PNMA8A: variants seen among roughly 807,000 people sequenced by gnomAD.
PNMA8A encodes PNMA family member 8A, also known as paraneoplastic antigen-like protein 8A.
Under a neutral mutation model 26.6 loss-of-function variants are expected in PNMA8A, and 17 were observed. That is an observed-to-expected ratio of 0.64 (90% CI 0.44 to 0.96). The LOEUF (loss-of-function observed/expected upper bound fraction) is 0.96, where lower values mean the gene tolerates loss of function less well. Ranked by LOEUF, PNMA8A falls within the 40% of genes least tolerant of loss-of-function variation. The probability of loss-of-function intolerance (pLI) is 0.00; values close to 1 mark genes in which losing one functional copy is unlikely to be tolerated. For synonymous variants in PNMA8A, 224 were observed against 182.0 expected (o/e 1.23, Z -1.86); for missense variants, 532 against 488.4 (o/e 1.09, Z -0.84).
At position 46,470,876 on chromosome 19, in the gene PNMA8A, G is replaced by A. The variant is rs1487553644; in HGVS notation, c.160C>T (p.Arg54Cys). The A allele has an allele frequency of 2.3e-5, 18 of 780,904 alleles. No homozygotes were observed. Among genetic ancestry groups the A allele is most frequent in the Non-Finnish European group, 3.8e-5 (16 of 418,168 alleles). 48.4% of individuals were successfully genotyped at this position (780,904 alleles called of 1,614,324 possible). Reference protein sequence around the residue: ...NGVLSPLGPYRVLNKIFVREE... With the variant: ...NGVLSPLGPYCVLNKIFVREE... ...CTCACAAAAATCTTGTTGAGCACGC[G>A]GTACGGGCCCAGTGGGGAGAGGACC... The change falls in exon 2 of 3, where the codon CGC becomes TGC. Residue 54 changes from arginine (R) to cysteine (C), a missense_variant. Coordinates refer to ENST00000313683, the MANE Select transcript of PNMA8A (RefSeq NM_018215.4).
rs45575940 is a variant in PNMA8A at position 46,468,516 on chromosome 19, T to A, written c.*45A>T. The A allele has an allele frequency of 1.9e-6, 3 of 1,595,006 alleles. No individual in the cohort carries two copies. Among genetic ancestry groups the A allele is most frequent in the African/African-American group, 2.7e-5 (2 of 74,508 alleles). On this transcript the variant is annotated 3_prime_UTR_variant, in exon 3 of 3. Transcript: ENST00000313683. ...AGAGAGAACTTGGTTGACTTGGTAC[T>A]TCTTCCTTGTTCTTTCAACTCCTCA...
rs1238505742 is a variant in PNMA8A, at chr19:46,469,844, C to T, written c.1192G>A (p.Glu398Lys). 4 of 1,614,146 alleles carry T rather than the reference C, an allele frequency of 2.5e-6. No homozygotes were observed. The African/African-American group carries it at 4.0e-5, about 16-fold the overall frequency. ...CGAGGGGCCTTCTGATCTGATGCCTCCCTTCTTGAGCCTGGCCCTTTCTTT... is the reference window on the plus strand; with the variant it reads ...CGAGGGGCCTTCTGATCTGATGCCTTCCTTCTTGAGCCTGGCCCTTTCTTT... ...MPKKGPGSRR[E>K]ASDQKAPRGQ... Residue 398 changes from glutamate to lysine, a missense_variant, in exon 2 of 3, where the codon GAG becomes AAG. Transcript: ENST00000313683.
chr19:46,468,472 A>G lies in PNMA8A; in HGVS notation c.*89T>C, dbSNP rs951183921. On this transcript the variant is annotated 3_prime_UTR_variant, in exon 3 of 3. Coordinates refer to ENST00000313683, the MANE Select transcript of PNMA8A (RefSeq NM_018215.4). ...ATCAACAGGGGCCCTAAGAGAGTCC[A>G]AAGTCTTATTCAGTGACAAGAGAGA... is the stretch of plus-strand genomic sequence containing the variant. The G allele has an allele frequency of 3.3e-5, 42 of 1,281,618 alleles. No homozygotes were observed. The highest frequency in any genetic ancestry group is 4.1e-5 in the Non-Finnish European group (36 of 878,612). The allele number at this position is 1,281,618 out of a possible 1,614,324, so 79.4% of individuals were successfully genotyped here.
intron 1 of PNMA8A, 26 bp downstream of exon 1, chr19:46,471,311 G>T (rs1052410999): frequency 7.0e-6 from 2 of 287,512 alleles, no homozygotes; most frequent in Non-Finnish European, 1.3e-5. Flanking sequence ...CGGGCCTGAC[G>T]CTCCGCCTGC....
At position 46,470,109 on chromosome 19, in the gene PNMA8A, T is replaced by A. The variant is rs1457728469; in HGVS notation, c.927A>T (p.Lys309Asn). 4 of 1,604,252 alleles carry A rather than the reference T, an allele frequency of 2.5e-6. No individual in the cohort carries two copies. Among genetic ancestry groups the A allele is most frequent in the Non-Finnish European group, 2.6e-6 (3 of 1,176,044 alleles). Reference sequence around the variant, plus strand: ...GCTCTCTGGGACCCTTCCAGGCACATTTCGCCATGGGCTTCTTCAAAGCCA... The same window carrying A: ...GCTCTCTGGGACCCTTCCAGGCACAATTCGCCATGGGCTTCTTCAAAGCCA... ...EELALKKPMA[K>N]CAWKGPREPP... Residue 309 changes from lysine to asparagine, a missense_variant, in exon 2 of 3, where the codon AAA becomes AAT. Lys to Asn is a moderately conservative substitution (Grantham distance 94). Transcript: ENST00000313683.
In PNMA8A at chr19:46,469,852, G is replaced by A; in HGVS notation, c.1184C>T (p.Ser395Leu). ...KPVMPKKGPG[S>L]RREASDQKAP... ...CTTCTGATCTGATGCCTCCCTTCTT[G>A]AGCCTGGCCCTTTCTTTGGCATCAC... Residue 395 changes from serine to leucine, a missense_variant, in exon 2 of 3, where the codon TCA (serine) becomes TTA (leucine). Ser to Leu is a moderately radical substitution (Grantham distance 145, BLOSUM62 -2). Transcript: ENST00000313683. 2 of 1,614,212 alleles carry A rather than the reference G, an allele frequency of 1.2e-6. No individual in the cohort carries two copies. The highest frequency in any genetic ancestry group is 1.7e-6 in the Non-Finnish European group (2 of 1,180,042).
At chr19:46,469,599 A>G (rs1969753120) in intron 2 of PNMA8A, 134 bp downstream of exon 2, 4 of 973,624 alleles carry the variant, frequency 4.1e-6, no homozygotes, top group Non-Finnish European at 4.4e-6. Context: ...ACCTCCTGCC[A>G]TGCACCAGGG....
Position 46,466,554 on chromosome 19 carries a change from G to T in PNMA8A, c.*2007C>A, listed in dbSNP as rs1282362367. On this transcript the variant is annotated 3_prime_UTR_variant, in exon 3 of 3. Coordinates refer to ENST00000313683, the MANE Select transcript of PNMA8A (RefSeq NM_018215.4). ...ATACACGTTTACATTTACTAGTCAT[G>T]GTGTCAACTTGTTAACACAACGAAG... 6.6e-6 allele frequency: 1 copy of T among 152,012 alleles called. No individual in the cohort carries two copies. Among genetic ancestry groups the T allele is most frequent in the Non-Finnish European group, 1.5e-5 (1 of 68,006 alleles). 9.4% of individuals were successfully genotyped at this position (152,012 alleles called of 1,614,324 possible). A position where few individuals can be genotyped will look rare whatever the true frequency, so the allele number is the denominator to read the frequency against.
At position 46,467,899 on chromosome 19, in the gene PNMA8A, C is replaced by T. The variant is rs1969729779; in HGVS notation, c.*662G>A. On this transcript the variant is annotated 3_prime_UTR_variant, in exon 3 of 3. Transcript: ENST00000313683. ...TCCCCACAGGATTCCTGAGAGGGCT[C>T]ATCCCAAATGGGAATCAAAGTGCCA... 1 of 152,268 alleles carries T rather than the reference C, an allele frequency of 6.6e-6. No homozygotes were observed. The highest frequency in any genetic ancestry group is 6.5e-5 in the Admixed American group (1 of 15,272). The allele number at this position is 152,268 out of a possible 1,614,324, so 9.4% of individuals were successfully genotyped here.
chr19:46,470,885 C>T lies in PNMA8A; in HGVS notation c.151G>A (p.Gly51Ser), dbSNP rs748105308. 1.3e-6 allele frequency: 1 copy of T among 780,972 alleles called. No individual in the cohort carries two copies. Among genetic ancestry groups the T allele is most frequent in the East Asian group, 2.4e-5 (1 of 41,252 alleles). The allele number at this position is 780,972 out of a possible 1,614,324, so 48.4% of individuals were successfully genotyped here. A position where few individuals can be genotyped will look rare whatever the true frequency, so the allele number is the denominator to read the frequency against. The change falls in exon 2 of 3, where the codon GGC (glycine) becomes AGC (serine). Residue 51 changes from glycine to serine, a missense_variant. Coordinates refer to ENST00000313683, the MANE Select transcript of PNMA8A (RefSeq NM_018215.4). ...ATCTTGTTGAGCACGCGGTACGGGC[C>T]CAGTGGGGAGAGGACCCCATTCAAG... ...ETLNGVLSPL[G>S]PYRVLNKIFV...
rs1295980267 is a variant in PNMA8A, at chr19:46,467,194, A to G, written c.*1367T>C. ...GATAGTCTTCGATGTGACTTCCAAC[A>G]TATCTGAGTAGTCACTTTTCAGTTT... On this transcript the variant is annotated 3_prime_UTR_variant, in exon 3 of 3. Transcript: ENST00000313683. 6 of 152,222 alleles carry G rather than the reference A, an allele frequency of 3.9e-5. No individual in the cohort carries two copies. The highest frequency in any genetic ancestry group is 3.3e-4 in the Admixed American group (5 of 15,280). The allele number at this position is 152,222 out of a possible 1,614,324, so 9.4% of individuals were successfully genotyped here.
rs769278842 is a variant in PNMA8A at position 46,470,352 on chromosome 19, G to A, written c.684C>T (p.Thr228=). ...WNATEDQHEP[T]KPLVRRAGAK... is the part of the protein sequence containing the mutation. ...CTCCAGCCCTGCGAACCAAAGGTTT[G>A]GTAGGCTCATGCTGGTCTTCCGTGG... is the stretch of plus-strand genomic sequence containing the variant. The change falls in exon 2 of 3, where the codon ACC becomes ACT. Residue 228 remains threonine, a synonymous_variant. Transcript: ENST00000313683. 1.2e-6 allele frequency: 2 copies of A among 1,614,016 alleles called. No individual in the cohort carries two copies. The highest frequency in any genetic ancestry group is 1.7e-6 in the Non-Finnish European group (2 of 1,180,042).
chr19:46,469,145 G>A (rs973392461), intron 2 of PNMA8A, among the ~76,000 whole-genome samples: 73 of 133,782 alleles, frequency 5.5e-4, no homozygotes, highest in African/African-American at 1.9e-3. Flanking sequence ...TCTCACTCTC[G>A]TCACCCAGGC....
In PNMA8A at chr19:46,466,811, C is replaced by G. The variant is rs1313160630; in HGVS notation, c.*1750G>C. 1 of 152,208 alleles carries G rather than the reference C, an allele frequency of 6.6e-6. No individual in the cohort carries two copies. Among genetic ancestry groups the G allele is most frequent in the African/African-American group, 2.4e-5 (1 of 41,448 alleles). The allele number at this position is 152,208 out of a possible 1,614,324, so 9.4% of individuals were successfully genotyped here. On this transcript the variant is annotated 3_prime_UTR_variant, in exon 3 of 3. Transcript: ENST00000313683. ...AGAAATTTGTTTTAAAGTTGAATCA[C>G]TGAGAACATCTAACAACTGTTCACA...
At position 46,470,477 on chromosome 19, in the gene PNMA8A, C is replaced by A. The variant is rs1248127978; in HGVS notation, c.559G>T (p.Ala187Ser). The stretch of plus-strand genomic sequence containing the variant: ...TTCCTCCCTGCTGCTAAAGCCCAGG[C>A]TGCCATCTCCTCGAATTCAGCGGCC... Reference protein sequence around the residue: ...QEAAEFEEMAAWALAAGRKVK... With the variant: ...QEAAEFEEMASWALAAGRKVK... Residue 187 changes from alanine to serine, a missense_variant, in exon 2 of 3, where the codon GCC (alanine) becomes TCC (serine). Physicochemically the swap from Ala to Ser is moderately conservative, Grantham distance 99. Transcript: ENST00000313683. The A allele has an allele frequency of 5.6e-6, 9 of 1,613,972 alleles. No individual in the cohort carries two copies. The highest frequency in any genetic ancestry group is 6.8e-6 in the Non-Finnish European group (8 of 1,180,062).
chr19:46,469,684 C>G (rs766512897), intron 2 of PNMA8A, 49 bp downstream of exon 2: 1 of 1,532,332 alleles, frequency 6.5e-7, no homozygotes, highest in South Asian at 1.3e-5. Context: ...CTCCTCCTGC[C>G]TCATCCACTT....
rs1399105357 is a variant in PNMA8A, at chr19:46,471,548, C to G, written c.-291G>C. ...CGAGAAGCCGAGGTTGGCGTCGCAGCGCGCGCCTGCGCACTGGCTCCCGCA... is the reference window on the plus strand; with the variant it reads ...CGAGAAGCCGAGGTTGGCGTCGCAGGGCGCGCCTGCGCACTGGCTCCCGCA... On this transcript the variant is annotated 5_prime_UTR_variant, in exon 1 of 3. Transcript: ENST00000313683. 2 of 152,582 alleles carry G rather than the reference C, an allele frequency of 1.3e-5. No individual in the cohort carries two copies. Among genetic ancestry groups the G allele is most frequent in the African/African-American group, 4.8e-5 (2 of 41,600 alleles). 9.5% of individuals were successfully genotyped at this position (152,582 alleles called of 1,614,324 possible).
chr19:46,469,601 G>T, intron 2 of PNMA8A, 132 bp downstream of exon 2: 1 of 983,992 alleles, frequency 1.0e-6, no homozygotes, highest in Non-Finnish European at 1.4e-6. Context: ...CTCCTGCCAT[G>T]CACCAGGGTC....
Position 46,466,686 on chromosome 19 carries a change from C to T in PNMA8A, c.*1875G>A, listed in dbSNP as rs534773323. 4.6e-5 allele frequency: 7 copies of T among 152,242 alleles called. No homozygotes were observed. Among genetic ancestry groups the T allele is most frequent in the East Asian group, 1.9e-4 (1 of 5,182 alleles). The allele number at this position is 152,242 out of a possible 1,614,324, so 9.4% of individuals were successfully genotyped here. A position where few individuals can be genotyped will look rare whatever the true frequency, so the allele number is the denominator to read the frequency against. ...TCGCTTGGCACACACCCCAGGAGAA[C>T]GTCGATGCACACAGCTGTGTAGCTG... On this transcript the variant is annotated 3_prime_UTR_variant, in exon 3 of 3. Transcript: ENST00000313683.
Sources: allele counts gnomAD v4.1 joint callset (sites outside exome capture counted in the v4.1 genomes callset), GRCh38; gene constraint gnomAD v4.1.1; transcripts MANE v1.5; gene names NCBI Gene and HGNC (gene_info 2026-07-23, HGNC 2026-07-21).